TRNAU1AP: variants seen among roughly 807,000 people sequenced by gnomAD.
TRNAU1AP encodes the protein tRNA selenocysteine 1-associated protein 1.
Under a neutral mutation model 43.3 loss-of-function variants are expected in TRNAU1AP, and 33 were observed. That is an observed-to-expected ratio of 0.76 (90% CI 0.58 to 1.02). The LOEUF is 1.02. Among genes scored for constraint, TRNAU1AP ranks in the 50% least tolerant of loss-of-function variants. The probability of loss-of-function intolerance (pLI) is 0.00; values close to 1 mark genes in which losing one functional copy is unlikely to be tolerated. For synonymous variants in TRNAU1AP, 143 were observed against 129.1 expected (o/e 1.11, Z -0.73); for missense variants, 290 against 362.7 (o/e 0.80, Z 1.63).
rs773617691 is a variant in TRNAU1AP at position 28,571,835 on chromosome 1, G to T, written c.694-32G>T. The T allele has an allele frequency of 1.2e-5, 19 of 1,570,742 alleles. 1 individual carries two copies. The Admixed American group carries it at 1.2e-4, about 10-fold the overall frequency. On this transcript the variant is annotated intron_variant, in intron 7 of 8. Coordinates refer to ENST00000373830, the MANE Select transcript of TRNAU1AP (RefSeq NM_017846.5). Reference sequence around the variant, plus strand: ...TGGTCCTGGGCCAGGATTTCACCATGCCCCTAACCCACATCTCTGGTCTCT... The same window carrying T: ...TGGTCCTGGGCCAGGATTTCACCATTCCCCTAACCCACATCTCTGGTCTCT...
Position 28,571,201 on chromosome 1 carries a change from A to G in TRNAU1AP, c.556A>G (p.Ser186Gly). Residue 186 changes from serine (S) to glycine (G), a missense_variant, in exon 7 of 9, where the codon AGT becomes GGT. By Grantham distance (56) the Ser-to-Gly change is moderately conservative. Around this residue, in one of 3 missense-constraint regions of TRNAU1AP, gnomAD observed 174 missense variants for 262.1 expected, o/e 0.66. Coordinates refer to ENST00000373830, the MANE Select transcript of TRNAU1AP (RefSeq NM_017846.5). ...GAGCCGTGTAAAGCCAGTGGAATAT[A>G]GTCAGATGTACAGTTATAGCTACAA... ...KASRVKPVEY[S>G]QMYSYSYNQY... 6.2e-7 allele frequency: 1 copy of G among 1,614,126 alleles called. No homozygotes were observed. Among genetic ancestry groups the G allele is most frequent in the Non-Finnish European group, 8.5e-7 (1 of 1,179,986 alleles).
chr1:28,561,347 C>T lies in TRNAU1AP; in HGVS notation c.227C>T (p.Ala76Val), dbSNP rs771703704. 2.4e-5 allele frequency: 39 copies of T among 1,613,924 alleles called. No homozygotes were observed. The highest frequency in any genetic ancestry group is 2.9e-5 in the Non-Finnish European group (34 of 1,179,996). ...NGKPLPGATP[A>V]KRFKLNYATY... Reference sequence around the variant, plus strand: ...GTTTGTTTGTTTTTCAACTTCCAGGCGAAACGTTTTAAACTGAACTATGCC... The same window carrying T: ...GTTTGTTTGTTTTTCAACTTCCAGGTGAAACGTTTTAAACTGAACTATGCC... The change falls in exon 4 of 9, where the codon GCG (alanine) becomes GTG (valine). Residue 76 changes from alanine to valine, a missense_variant and splice_region_variant. Physicochemically the swap from Ala to Val is moderately conservative, Grantham distance 64. Around this residue, in one of 3 missense-constraint regions of TRNAU1AP, gnomAD observed 174 missense variants for 262.1 expected, o/e 0.66. Transcript: ENST00000373830.
At chr1:28,570,176 C>G (rs1480514280) in intron 6 of TRNAU1AP, among the ~76,000 whole-genome samples, 2 of 152,072 alleles carry the variant, frequency 1.3e-5, no homozygotes, top group Non-Finnish European at 2.9e-5. Flanking sequence ...CTGGGCCTCC[C>G]AGGATCAAGC....
At chr1:28,556,224 G>A (rs985420872) in intron 2 of TRNAU1AP, among the ~76,000 whole-genome samples, 1 of 151,910 alleles carries the variant, frequency 6.6e-6, no homozygotes, top group Non-Finnish European at 1.5e-5. Flanking sequence ...CACTTTGGGA[G>A]GCTGAGGTGG....
chr1:28,561,574 C>G (rs1665405451), intron 4 of TRNAU1AP, among the ~76,000 whole-genome samples, 176 bp downstream of exon 4: 1 of 152,190 alleles, frequency 6.6e-6, no homozygotes. Context: ...CCTGGCTTTT[C>G]TGTATTTGGT....
intron 4 of TRNAU1AP, among the ~76,000 whole-genome samples, chr1:28,563,748 C>T (rs531016106): frequency 2.0e-5 from 3 of 149,366 alleles, no homozygotes; most frequent in South Asian, 2.1e-4. Context: ...GCCACTTGGG[C>T]GGCTGAGGCA....
At chr1:28,565,301 A>T (rs1162639980) in intron 5 of TRNAU1AP, 3 of 159,946 alleles carry the variant, frequency 1.9e-5, no homozygotes, top group African/African-American at 7.2e-5. Flanking sequence ...CCCGGGCAAC[A>T]CGGTGAAATG....
chr1:28,563,039 G>A (rs1441618832), intron 4 of TRNAU1AP, among the ~76,000 whole-genome samples: 1 of 151,648 alleles, frequency 6.6e-6, no homozygotes, highest in Non-Finnish European at 1.5e-5. Context: ...GGGATTACAG[G>A]CACCTGCCAA....
intron 6 of TRNAU1AP, among the ~76,000 whole-genome samples, chr1:28,568,914 C>A (rs1202053314): frequency 6.6e-6 from 1 of 151,716 alleles, no homozygotes; most frequent in East Asian, 1.9e-4. Context: ...CAGGTTCAAG[C>A]GATTCTCCTG....
At chr1:28,577,178 G>A (rs1665807507) in intron 8 of TRNAU1AP, among the ~76,000 whole-genome samples, 1 of 152,132 alleles carries the variant, frequency 6.6e-6, no homozygotes, top group Non-Finnish European at 1.5e-5. Flanking sequence ...ATGATGCTCT[G>A]GACTTAATAA....
chr1:28,557,351 TGGAGCTTGCAGCGAGC>T (rs1328840984), intron 2 of TRNAU1AP, among the ~76,000 whole-genome samples: 2 of 149,538 alleles, frequency 1.3e-5, no homozygotes, highest in Non-Finnish European at 3.0e-5. Context: ...ACCCGGGAGG[TGGAGCTTGCAGCGAGC>T]GGAGATCACA....
At chr1:28,553,612 G>A in intron 1 of TRNAU1AP, 28 bp from the exon 2 acceptor site, 2 of 1,610,008 alleles carry the variant, frequency 1.2e-6, no homozygotes, top group South Asian at 2.2e-5. Context: ...CCGCCGGCCT[G>A]AGCCGCTGTG....
intron 8 of TRNAU1AP, among the ~76,000 whole-genome samples, chr1:28,576,937 A>C (rs1665800822): frequency 6.6e-6 from 1 of 152,174 alleles, no homozygotes; most frequent in Admixed American, 6.6e-5. Context: ...ACAGGGACTC[A>C]TGCCTGTAAT....
At position 28,577,861 on chromosome 1, in the gene TRNAU1AP, ATCCTT is replaced by A. The variant is rs895905295; in HGVS notation, c.*227_*231del. ...GTTCAAATTGGTTTCCTTCACAGGA[ATCCTT>A]TGTCCAGGTAGTTATCCACATAGGA... On this transcript the variant is annotated 3_prime_UTR_variant, in exon 9 of 9. Transcript: ENST00000373830. The A allele has an allele frequency of 2.0e-6, 1 of 506,882 alleles. No individual in the cohort carries two copies. Among genetic ancestry groups the A allele is most frequent in the African/African-American group, 2.0e-5 (1 of 51,242 alleles). 31.4% of individuals were successfully genotyped at this position (506,882 alleles called of 1,614,324 possible). A position where few individuals can be genotyped will look rare whatever the true frequency, so the allele number is the denominator to read the frequency against.
intron 3 of TRNAU1AP, 108 bp from the exon 4 acceptor site, chr1:28,561,238 G>T: frequency 6.5e-7 from 1 of 1,528,348 alleles, no homozygotes. Context: ...GAGGCTTAGA[G>T]AGGGGGAGAT....
At position 28,571,306 on chromosome 1, in the gene TRNAU1AP, C is replaced by T. The variant is rs1665656637; in HGVS notation, c.661C>T (p.Pro221Ser). Residue 221 changes from proline to serine, a missense_variant, in exon 7 of 9, where the codon CCC (proline) becomes TCC (serine). By Grantham distance (74) the Pro-to-Ser change is moderately conservative (BLOSUM62 -1). Transcript: ENST00000373830. ...CACAGGCAGCTACAGCTACAGTTAC[C>T]CCCAGTATGGCTATACCCAGAGCAC... is the stretch of plus-strand genomic sequence containing the variant. ...QNTGSYSYSY[P>S]QYGYTQSTMQ... The T allele has an allele frequency of 1.2e-6, 2 of 1,613,910 alleles. No individual in the cohort carries two copies. The highest frequency in any genetic ancestry group is 1.7e-6 in the Non-Finnish European group (2 of 1,179,902).
intron 8 of TRNAU1AP, 29 bp from the exon 9 acceptor site, chr1:28,577,471 C>T (rs1380953226): frequency 1.9e-6 from 3 of 1,611,536 alleles, no homozygotes; most frequent in Non-Finnish European, 2.5e-6. Flanking sequence ...CCCTAGACTT[C>T]CCTGACCCCA....
intron 5 of TRNAU1AP, among the ~76,000 whole-genome samples, chr1:28,566,314 C>CA (rs58656186): frequency 2.4e-3 from 255 of 105,592 alleles, no homozygotes; most frequent in East Asian, 0.023. Flanking sequence ...GACTCCATCT[C>CA]AAAAAAAAAA....
At chr1:28,562,978 C>T (rs1665449201) in intron 4 of TRNAU1AP, among the ~76,000 whole-genome samples, 1 of 148,570 alleles carries the variant, frequency 6.7e-6, no homozygotes, top group East Asian at 2.0e-4. Flanking sequence ...TCACTGCAAT[C>T]TTTGCCGCCT....
Sources: gnomAD v4.1 joint callset for allele counts (sites outside exome capture counted in the v4.1 genomes callset) on GRCh38, gnomAD v4.1.1 for gene constraint, gnomAD v4.1.1 regional missense constraint, MANE v1.5 for transcripts, NCBI Gene and HGNC (gene_info 2026-07-23, HGNC 2026-07-21) for gene names.